Variants in GOLM2 observed in about 807,000 individuals in gnomAD.
GOLM2 encodes the protein protein GOLM2.
A neutral mutation model predicts 55.9 loss-of-function variants in GOLM2; 26 were observed. The observed-to-expected ratio is 0.47, with a 90% CI of 0.34 to 0.65. GOLM2 has a LOEUF of 0.65. Ranked by LOEUF, GOLM2 falls within the 30% of genes least tolerant of loss-of-function variation. The pLI is 0.01. For synonymous variants in GOLM2, 165 were observed against 194.6 expected (o/e 0.85, Z 1.27); for missense variants, 486 against 531.8 (o/e 0.91, Z 0.85).
chr15:44,314,563 A>G (rs1329404983), intron 1 of GOLM2, among the ~76,000 whole-genome samples: 2 of 152,060 alleles, frequency 1.3e-5, no homozygotes, highest in Non-Finnish European at 2.9e-5. Flanking sequence ...CCATCTCAAA[A>G]AAAAAAAAAA....
chr15:44,413,276 A>G (rs1873907505), intron 9 of GOLM2, 60 bp from the exon 10 acceptor site: 1 of 1,245,884 alleles, frequency 8.0e-7, no homozygotes, highest in Admixed American at 1.8e-5. Flanking sequence ...TGAGACATTA[A>G]TTGGATTTCT....
intron 6 of GOLM2, among the ~76,000 whole-genome samples, chr15:44,349,423 T>A (rs2079146834): frequency 6.6e-6 from 1 of 152,016 alleles, no homozygotes; most frequent in Non-Finnish European, 1.5e-5. Context: ...TATAAAAGGG[T>A]CAATTCAGCA....
At chr15:44,348,732 C>T (rs1416359923) in intron 6 of GOLM2, 4 of 152,358 alleles carry the variant, frequency 2.6e-5, no homozygotes, top group Admixed American at 2.0e-4. Context: ...GGCTTCAGGT[C>T]TAACCCAGCA....
intron 6 of GOLM2, among the ~76,000 whole-genome samples, chr15:44,377,622 C>T (rs1158421792): frequency 6.6e-6 from 1 of 152,096 alleles, no homozygotes; most frequent in Non-Finnish European, 1.5e-5. Context: ...GACTCACATG[C>T]CTCGGTCTTT....
chr15:44,371,663 T>TA (rs1455793718), intron 6 of GOLM2, among the ~76,000 whole-genome samples: 1 of 152,220 alleles, frequency 6.6e-6, no homozygotes, highest in East Asian at 1.9e-4. Context: ...TAGGAGTTTT[T>TA]ATGGTCAATT....
chr15:44,293,583 T>C (rs1202136946), intron 1 of GOLM2, among the ~76,000 whole-genome samples: 2 of 152,192 alleles, frequency 1.3e-5, no homozygotes, highest in African/African-American at 2.4e-5. Flanking sequence ...TGTCCCTCAA[T>C]TGGGAATTGT....
chr15:44,355,999 T>G (rs1452889291), intron 6 of GOLM2, among the ~76,000 whole-genome samples: 1 of 152,044 alleles, frequency 6.6e-6, no homozygotes, highest in Non-Finnish European at 1.5e-5. Flanking sequence ...AAAGAAGAAA[T>G]CTCAGGAGAA....
chr15:44,301,398 G>A (rs1595614423), intron 1 of GOLM2, among the ~76,000 whole-genome samples: 1 of 152,080 alleles, frequency 6.6e-6, no homozygotes, highest in Admixed American at 6.5e-5. Context: ...CATATGCTGT[G>A]CTTCCATCTT....
rs982058691 is a variant in GOLM2 at position 44,288,950 on chromosome 15, G to C, written c.-80G>C. 11 of 1,361,790 alleles carry C rather than the reference G, an allele frequency of 8.1e-6. No individual in the cohort carries two copies. Among genetic ancestry groups the C allele is most frequent in the South Asian group, 1.4e-5 (1 of 72,640 alleles). 84.4% of individuals were successfully genotyped at this position (1,361,790 alleles called of 1,614,324 possible). A position where few individuals can be genotyped will look rare whatever the true frequency, so the allele number is the denominator to read the frequency against. On this transcript the variant is annotated 5_prime_UTR_variant, in exon 1 of 10. Coordinates refer to ENST00000299957, the MANE Select transcript of GOLM2 (RefSeq NM_138423.4). ...GGCCGGCCCTGGGGCCGTGTCCGCC[G>C]GGCAACTCCAGCCGAGGCCTGGGCT... is the stretch of plus-strand genomic sequence containing the variant.
At chr15:44,368,424 A>G (rs1296556203) in intron 6 of GOLM2, among the ~76,000 whole-genome samples, 8 of 150,414 alleles carry the variant, frequency 5.3e-5, no homozygotes, top group Non-Finnish European at 1.2e-4. Flanking sequence ...CATACATTTC[A>G]GACTGCTTGA....
intron 6 of GOLM2, among the ~76,000 whole-genome samples, chr15:44,340,394 A>G (rs1278048985): frequency 6.6e-6 from 1 of 151,946 alleles, no homozygotes; most frequent in African/African-American, 2.4e-5. Flanking sequence ...TCAGCCTTCT[A>G]GGACTACAGG....
chr15:44,383,906 T>C (rs2079422698), intron 8 of GOLM2, among the ~76,000 whole-genome samples: 1 of 152,036 alleles, frequency 6.6e-6, no homozygotes, highest in African/African-American at 2.4e-5. Flanking sequence ...ATTGAACTCC[T>C]GTGCTCATGT....
chr15:44,383,499 C>T (rs760053402), intron 8 of GOLM2, among the ~76,000 whole-genome samples: 1 of 151,878 alleles, frequency 6.6e-6, no homozygotes, highest in African/African-American at 2.4e-5. Context: ...TAGAATATAA[C>T]GTTTCCTTAA....
intron 1 of GOLM2, among the ~76,000 whole-genome samples, chr15:44,302,104 G>C (rs1192369840): frequency 1.3e-5 from 2 of 151,898 alleles, no homozygotes; most frequent in African/African-American, 4.8e-5. Flanking sequence ...GTCATGTTAA[G>C]GGCAATAGGA....
chr15:44,387,716 G>A lies in GOLM2; in HGVS notation c.1072+6740G>A, dbSNP rs369773127. Reference sequence around the variant, plus strand: ...GTGGAGGTTGCAGTGAGCCAAGATCGCGATACTGTACTCCAGCCTGGGTGA... The same window carrying A: ...GTGGAGGTTGCAGTGAGCCAAGATCACGATACTGTACTCCAGCCTGGGTGA... On this transcript the variant is annotated intron_variant, in intron 8 of 9. Coordinates refer to ENST00000299957, the MANE Select transcript of GOLM2 (RefSeq NM_138423.4). Among the ~76,000 whole-genome samples, 677 of 151,384 alleles carry A rather than the reference G, an allele frequency of 4.5e-3. 4 individuals are homozygous for A. The highest frequency in any genetic ancestry group is 0.016 in the African/African-American group (643 of 41,212).
intron 9 of GOLM2, among the ~76,000 whole-genome samples, chr15:44,404,183 G>C (rs1179516365): frequency 6.6e-6 from 1 of 152,106 alleles, no homozygotes; most frequent in Non-Finnish European, 1.5e-5. Flanking sequence ...GTGATACATG[G>C]AAATTTTTCA....
rs71421830 is a variant in GOLM2 at position 44,295,917 on chromosome 15, TAC to T, written c.327+6591_327+6592del. Among the ~76,000 whole-genome samples the T allele has an allele frequency of 3.5e-3, 493 of 141,768 alleles. 1 individual carries two copies. Among genetic ancestry groups the T allele is most frequent in the Admixed American group, 5.5e-3 (77 of 13,988 alleles). The allele number at this position is 141,768 out of a possible 152,430, so 93.0% of individuals were successfully genotyped here. On this transcript the variant is annotated intron_variant, in intron 1 of 9. Coordinates refer to ENST00000299957, the MANE Select transcript of GOLM2 (RefSeq NM_138423.4). Reference sequence around the variant, plus strand: ...TAGAACAAGGGAGATCCACCACACATACACACACACACACACACACACACACA... The same window carrying T: ...TAGAACAAGGGAGATCCACCACACATACACACACACACACACACACACACA...
chr15:44,382,685 G>A (rs189420711), intron 8 of GOLM2, among the ~76,000 whole-genome samples: 3 of 151,758 alleles, frequency 2.0e-5, no homozygotes, highest in African/African-American at 7.3e-5. Flanking sequence ...TGCCTTACCT[G>A]TATATATTTT....
chr15:44,352,335 A>G (rs1408066318), intron 6 of GOLM2, among the ~76,000 whole-genome samples: 1 of 152,192 alleles, frequency 6.6e-6, no homozygotes, highest in Non-Finnish European at 1.5e-5. Context: ...CAGTCTCTTC[A>G]TTAGATGGTG....
Sources: gnomAD v4.1 joint callset for allele counts (sites outside exome capture counted in the v4.1 genomes callset) on GRCh38, gnomAD v4.1.1 for gene constraint, MANE v1.5 for transcripts, NCBI Gene and HGNC (gene_info 2026-07-23, HGNC 2026-07-21) for gene names.